CCDC190: variants seen among roughly 807,000 people sequenced by gnomAD.
CCDC190 encodes the protein coiled-coil domain containing 190, also known as coiled-coil domain-containing protein 190.
Under a neutral mutation model 13.1 loss-of-function variants are expected in CCDC190, and 10 were observed. The ratio of observed to expected loss-of-function variants is 0.77; its 90% confidence interval spans 0.47 to 1.30. The LOEUF (loss-of-function observed/expected upper bound fraction) is 1.30. Ranked by LOEUF, CCDC190 falls within the 50% of genes most tolerant of loss-of-function variation. CCDC190 has a pLI of 0.00. For synonymous variants in CCDC190, 136 were observed against 127.2 expected, an observed-to-expected ratio of 1.07 and a Z score of -0.47; for missense variants, 375 against 354.3, an observed-to-expected ratio of 1.06 and a Z score of -0.47.
At chr1:162,862,124 A>G (rs908022030), upstream of CCDC190, among the ~76,000 whole-genome samples, 2 of 152,178 alleles carry the variant, frequency 1.3e-5, no homozygotes, top group South Asian at 4.1e-4. Flanking sequence ...CCACACAAGG[A>G]GAGACCAGGA....
At chr1:162,855,856 G>A in intron 2 of CCDC190, 101 bp from the exon 3 acceptor site, 4 of 1,014,680 alleles carry the variant, frequency 3.9e-6, no homozygotes, top group Non-Finnish European at 5.8e-6. Flanking sequence ...GACCTTATTT[G>A]GAGATAAGGT....
upstream of CCDC190, among the ~76,000 whole-genome samples, chr1:162,864,094 T>A (rs546587654): frequency 7.5e-4 from 114 of 152,068 alleles, 1 homozygote; most frequent in African/African-American, 2.5e-3. Flanking sequence ...AAAATTATTT[T>A]AAAAAGTAAT....
Position 162,853,023 on chromosome 1 carries a change from G to T in CCDC190, c.*1742C>A. 3.4e-6 allele frequency: 4 copies of T among 1,181,618 alleles called. No homozygotes were observed. Among genetic ancestry groups the T allele is most frequent in the Non-Finnish European group, 3.7e-6 (3 of 814,620 alleles). The allele number at this position is 1,181,618 out of a possible 1,614,324, so 73.2% of individuals were successfully genotyped here. On this transcript the variant is annotated 3_prime_UTR_variant, in exon 4 of 4. Coordinates refer to ENST00000367912, the MANE Select transcript of CCDC190 (RefSeq NM_001394065.1). ...GCTGGTGCAAATAAATTAAGTTTTT[G>T]TGAATCAATCAGTTCTGTCACTTAT...
chr1:162,854,534 A>C lies in CCDC190; in HGVS notation c.*231T>G. The C allele has an allele frequency of 7.5e-7, 1 of 1,326,306 alleles. No homozygotes were observed. The allele number at this position is 1,326,306 out of a possible 1,614,324, so 82.2% of individuals were successfully genotyped here. On this transcript the variant is annotated 3_prime_UTR_variant, in exon 4 of 4. Transcript: ENST00000367912. ...TATTCATATTTTTGATGACATCATA[A>C]ACATATCACTTAAAATATTTTCAGA...
rs551898631 is a variant in CCDC190 at position 162,853,721 on chromosome 1, T to C, written c.*1044A>G. ...GCCCTCAAGTTTATTCTTCTGGAAT[T>C]AAAGTTTGTTATTGGGCTGAAGATT... On this transcript the variant is annotated 3_prime_UTR_variant, in exon 4 of 4. Coordinates refer to ENST00000367912, the MANE Select transcript of CCDC190 (RefSeq NM_001394065.1). 5.3e-5 allele frequency among the ~76,000 whole-genome samples: 8 copies of C among 152,142 alleles called. No homozygotes were observed. The highest frequency in any genetic ancestry group is 1.2e-4 in the Non-Finnish European group (8 of 68,014).
upstream of CCDC190, among the ~76,000 whole-genome samples, chr1:162,864,255 C>T (rs1348419677): frequency 1.3e-5 from 2 of 151,976 alleles, no homozygotes; most frequent in African/African-American, 4.8e-5. Flanking sequence ...AAAAATCAAC[C>T]TAGAATTCTG....
chr1:162,851,168 C>T lies in CCDC190; in HGVS notation c.*3597G>A, dbSNP rs1368954232. ...AGTGGCCTCAGGCAGAAAAGGAGGACCTGGCTGCCCGCTCTCCCTTATTCT... is the reference window on the plus strand; with the variant it reads ...AGTGGCCTCAGGCAGAAAAGGAGGATCTGGCTGCCCGCTCTCCCTTATTCT... On this transcript the variant is annotated 3_prime_UTR_variant, in exon 4 of 4. Coordinates refer to ENST00000367912, the MANE Select transcript of CCDC190 (RefSeq NM_001394065.1). 6.6e-6 allele frequency: 1 copy of T among 152,204 alleles called. No homozygotes were observed. Among genetic ancestry groups the T allele is most frequent in the Non-Finnish European group, 1.5e-5 (1 of 68,060 alleles). 9.4% of individuals were successfully genotyped at this position (152,204 alleles called of 1,614,324 possible).
chr1:162,855,552 T>A, intron 3 of CCDC190, 80 bp downstream of exon 3: 1 of 1,571,520 alleles, frequency 6.4e-7, no homozygotes, highest in South Asian at 1.2e-5. Flanking sequence ...GGAGCATTTC[T>A]TCAGGAAAAC....
chr1:162,855,217 C>T lies in CCDC190; in HGVS notation c.454G>A (p.Glu152Lys). The T allele has an allele frequency of 1.9e-6, 3 of 1,613,934 alleles. No individual in the cohort carries two copies. Among genetic ancestry groups the T allele is most frequent in the Non-Finnish European group, 2.5e-6 (3 of 1,179,886 alleles). Residue 152 changes from glutamate to lysine, a missense_variant, in exon 4 of 4, where the codon GAG (glutamate) becomes AAG (lysine). By Grantham distance (56) the Glu-to-Lys change is moderately conservative. Transcript: ENST00000367912. ...QNNRTACFIK[E>K]QPQAQEKDSV... ...TCTTTCTCTTGGGCTTGTGGTTGCTCTTTTATGAAGCAGGCAGTTCTGTTA... is the reference window on the plus strand; with the variant it reads ...TCTTTCTCTTGGGCTTGTGGTTGCTTTTTTATGAAGCAGGCAGTTCTGTTA...
At chr1:162,860,659 C>A (rs1650478475) in intron 1 of CCDC190, among the ~76,000 whole-genome samples, 1 of 151,760 alleles carries the variant, frequency 6.6e-6, no homozygotes, top group South Asian at 2.1e-4. Context: ...CTGGGTTCAA[C>A]CGATTCTCCT....
At chr1:162,865,203 A>G (rs1650654128), upstream of CCDC190, among the ~76,000 whole-genome samples, 1 of 152,192 alleles carries the variant, frequency 6.6e-6, no homozygotes, top group African/African-American at 2.4e-5. Flanking sequence ...TAATTCATCC[A>G]TAATAAAATC....
In CCDC190 at chr1:162,854,516, A is replaced by G. The variant is rs1650215180; in HGVS notation, c.*249T>C. 2.4e-6 allele frequency: 3 copies of G among 1,243,634 alleles called. No individual in the cohort carries two copies. The highest frequency in any genetic ancestry group is 3.0e-6 in the Non-Finnish European group (3 of 991,620). 77.0% of individuals were successfully genotyped at this position (1,243,634 alleles called of 1,614,324 possible). On this transcript the variant is annotated 3_prime_UTR_variant, in exon 4 of 4. Transcript: ENST00000367912. The stretch of plus-strand genomic sequence containing the variant: ...AGTCCAGTCATCAATATATATTCAT[A>G]TTTTTGATGACATCATAAACATATC...
At chr1:162,866,925 C>T (rs562405880) in intron 1 of CCDC190, among the ~76,000 whole-genome samples, 94 of 152,036 alleles carry the variant, frequency 6.2e-4, no homozygotes, top group Non-Finnish European at 1.3e-3. Context: ...TTTATGTTAT[C>T]CCCTACACAA....
chr1:162,854,349 A>G lies in CCDC190; in HGVS notation c.*416T>C, dbSNP rs751470907. The G allele has an allele frequency of 3.4e-5, 34 of 994,764 alleles. No homozygotes were observed. Among genetic ancestry groups the G allele is most frequent in the Non-Finnish European group, 4.1e-5 (34 of 835,338 alleles). 61.6% of individuals were successfully genotyped at this position (994,764 alleles called of 1,614,324 possible). A position where few individuals can be genotyped will look rare whatever the true frequency, so the allele number is the denominator to read the frequency against. Reference sequence around the variant, plus strand: ...GACCATGTTACAGTACCTATTTACAATCACATTCCTATTCCTACCACTACT... The same window carrying G: ...GACCATGTTACAGTACCTATTTACAGTCACATTCCTATTCCTACCACTACT... On this transcript the variant is annotated 3_prime_UTR_variant, in exon 4 of 4. Coordinates refer to ENST00000367912, the MANE Select transcript of CCDC190 (RefSeq NM_001394065.1).
At chr1:162,858,519 T>A (rs1432013679) in intron 2 of CCDC190, among the ~76,000 whole-genome samples, 1 of 152,214 alleles carries the variant, frequency 6.6e-6, no homozygotes, top group Non-Finnish European at 1.5e-5. Context: ...ATTCCCAGCC[T>A]AGACATTTGG....
At chr1:162,868,280 G>T (rs1306679588) in intron 1 of CCDC190, among the ~76,000 whole-genome samples, 1 of 152,174 alleles carries the variant, frequency 6.6e-6, no homozygotes, top group Non-Finnish European at 1.5e-5. Flanking sequence ...AATGAAGATT[G>T]AATGTATAAA....
At position 162,853,017 on chromosome 1, in the gene CCDC190, G is replaced by A. The variant is rs56072121; in HGVS notation, c.*1748C>T. ...GGCATGGCTGGTGCAAATAAATTAA[G>A]TTTTTGTGAATCAATCAGTTCTGTC... On this transcript the variant is annotated 3_prime_UTR_variant, in exon 4 of 4. Transcript: ENST00000367912. The A allele has an allele frequency of 0.055, 62,201 of 1,134,528 alleles. 1,987 individuals are homozygous for A. Among genetic ancestry groups the A allele is most frequent in the Non-Finnish European group, 0.066 (50,968 of 771,688 alleles). The allele number at this position is 1,134,528 out of a possible 1,614,324, so 70.3% of individuals were successfully genotyped here.
At chr1:162,868,093 T>C (rs1650769419) in intron 1 of CCDC190, among the ~76,000 whole-genome samples, 1 of 152,148 alleles carries the variant, frequency 6.6e-6, no homozygotes, top group Non-Finnish European at 1.5e-5. Flanking sequence ...AAAAAAAACT[T>C]AATATCATAG....
At chr1:162,865,496 A>G (rs958417520), upstream of CCDC190, among the ~76,000 whole-genome samples, 1 of 152,056 alleles carries the variant, frequency 6.6e-6, no homozygotes, top group Non-Finnish European at 1.5e-5. Context: ...GGGCCATGAA[A>G]CAAGTTTTAA....
Sources: allele counts gnomAD v4.1 joint callset (sites outside exome capture counted in the v4.1 genomes callset), GRCh38; gene constraint gnomAD v4.1.1; transcripts MANE v1.5; gene names NCBI Gene and HGNC (gene_info 2026-07-23, HGNC 2026-07-21).